Variants in RANBP2 observed in about 807,000 individuals in gnomAD.
RANBP2 encodes the protein E3 SUMO-protein ligase RanBP2.
In RANBP2, 57 loss-of-function variants were observed where a neutral mutation model predicts 303.6. That is an observed-to-expected ratio of 0.19 (90% confidence interval 0.15 to 0.23). The LOEUF is 0.23. RANBP2 is among the 10% of genes least tolerant of loss of function. The pLI is 1.00. For missense variants in RANBP2, 3,138 were observed against 3,780.8 expected (o/e 0.83, Z 4.46); for synonymous variants, 1,167 against 1,301.5 (o/e 0.90, Z 2.23).
At chr2:109,429,584 C>A in the RANBP2 span, among the ~76,000 whole-genome samples, 2 of 152,050 alleles carry the variant, frequency 1.3e-5, no homozygotes, top group East Asian at 1.9e-4. Context: ...AGGACCCCAG[C>A]CTCCCCGGGC....
the RANBP2 span, chr2:109,490,738 G>T: frequency 6.5e-7 from 1 of 1,536,140 alleles, no homozygotes; most frequent in Non-Finnish European, 8.7e-7. Flanking sequence ...GGTGCAGTGG[G>T]CCCCGAAGTG....
the RANBP2 span, among the ~76,000 whole-genome samples, chr2:109,493,556 A>G: frequency 6.8e-6 from 1 of 148,116 alleles, no homozygotes; most frequent in African/African-American, 2.6e-5. Context: ...CCATACACAT[A>G]CATACCATAC....
chr2:109,240,978 A>G, the RANBP2 span, among the ~76,000 whole-genome samples: 1 of 151,926 alleles, frequency 6.6e-6, no homozygotes, highest in Admixed American at 6.6e-5. Context: ...AAACAAGTCC[A>G]CATCTCCCCA....
At chr2:109,133,683 A>C in the RANBP2 span, among the ~76,000 whole-genome samples, 1 of 149,728 alleles carries the variant, frequency 6.7e-6, no homozygotes, top group Non-Finnish European at 1.5e-5. Flanking sequence ...TTAGTGTTTG[A>C]GTCTTTCATA....
chr2:109,322,785 C>G, the RANBP2 span, among the ~76,000 whole-genome samples: 5 of 152,234 alleles, frequency 3.3e-5, no homozygotes, highest in African/African-American at 1.2e-4. Context: ...GAACCCTTCT[C>G]CAACTCAGAA....
At chr2:109,291,737 G>A in the RANBP2 span, among the ~76,000 whole-genome samples, 1 of 152,202 alleles carries the variant, frequency 6.6e-6, no homozygotes, top group Admixed American at 6.5e-5. Context: ...TTATCCGCAG[G>A]TTTCAAAGTG....
At chr2:109,021,803 A>G in the RANBP2 span, among the ~76,000 whole-genome samples, 1 of 152,192 alleles carries the variant, frequency 6.6e-6, no homozygotes, top group Non-Finnish European at 1.5e-5. Flanking sequence ...AGACAGCAGA[A>G]GCAGACAAAT....
chr2:109,369,694 A>T, the RANBP2 span, among the ~76,000 whole-genome samples: 4 of 152,234 alleles, frequency 2.6e-5, no homozygotes, highest in South Asian at 8.3e-4. Flanking sequence ...CCCAGCACAG[A>T]GCCCAGCCTG....
the RANBP2 span, chr2:109,545,672 T>C: frequency 1.4e-6 from 2 of 1,472,376 alleles, no homozygotes; most frequent in South Asian, 1.4e-5. Flanking sequence ...CAGCTTTATT[T>C]AGACATGAAA....
At chr2:109,585,754 G>A in the RANBP2 span, 1 of 1,613,202 alleles carries the variant, frequency 6.2e-7, no homozygotes, top group East Asian at 2.2e-5. Flanking sequence ...AAACCTTGCT[G>A]AATGGATCTG....
At chr2:108,788,381 C>T (rs181654465), downstream of RANBP2, among the ~76,000 whole-genome samples, 67 of 150,706 alleles carry the variant, frequency 4.4e-4, no homozygotes, top group African/African-American at 1.6e-3. Context: ...GATGGCGCCA[C>T]TACACTCCAG....
At chr2:109,080,556 G>A in the RANBP2 span, among the ~76,000 whole-genome samples, 1 of 152,158 alleles carries the variant, frequency 6.6e-6, no homozygotes, top group Non-Finnish European at 1.5e-5. Context: ...TGTCACCCAG[G>A]ATTGGACAGG....
the RANBP2 span, among the ~76,000 whole-genome samples, chr2:109,067,402 G>A: frequency 2.0e-5 from 3 of 152,196 alleles, no homozygotes; most frequent in South Asian, 2.1e-4. Flanking sequence ...TAATCTCTCC[G>A]CTGCTCTCTC....
chr2:109,111,955 C>A, the RANBP2 span, among the ~76,000 whole-genome samples: 1 of 152,144 alleles, frequency 6.6e-6, no homozygotes, highest in Non-Finnish European at 1.5e-5. Context: ...CTACAAAGGA[C>A]ATGAACTCAT....
the RANBP2 span, among the ~76,000 whole-genome samples, chr2:109,694,953 A>T: frequency 6.6e-6 from 1 of 151,970 alleles, no homozygotes; most frequent in Non-Finnish European, 1.5e-5. Flanking sequence ...TGTTATTGTC[A>T]TATGGGTTCC....
chr2:108,823,610 G>A, the RANBP2 span, among the ~76,000 whole-genome samples: 3 of 152,234 alleles, frequency 2.0e-5, no homozygotes, highest in Non-Finnish European at 2.9e-5. Flanking sequence ...ATCTTAGGCA[G>A]TTGTAACACA....
the RANBP2 span, among the ~76,000 whole-genome samples, chr2:108,937,197 CTCT>C: frequency 6.6e-6 from 1 of 152,248 alleles, no homozygotes; most frequent in Non-Finnish European, 1.5e-5. Flanking sequence ...TAAGCAGCCA[CTCT>C]TCTTTATCAC....
At chr2:109,669,914 C>T in the RANBP2 span, among the ~76,000 whole-genome samples, 1 of 146,324 alleles carries the variant, frequency 6.8e-6, no homozygotes, top group African/African-American at 2.5e-5. Context: ...ATGCTGCAGG[C>T]ATCAGGTGCC....
the RANBP2 span, among the ~76,000 whole-genome samples, chr2:109,021,431 G>A: frequency 6.6e-6 from 1 of 151,758 alleles, no homozygotes; most frequent in Non-Finnish European, 1.5e-5. Flanking sequence ...GCTGAGGCAG[G>A]AGAATGGCGT....
Sources: gnomAD v4.1 joint callset for allele counts (sites outside exome capture counted in the v4.1 genomes callset) on GRCh38, gnomAD v4.1.1 for gene constraint, MANE v1.5 for transcripts, NCBI Gene and HGNC (gene_info 2026-07-23, HGNC 2026-07-21) for gene names.